The following CLN6 variants were observed in gnomAD, a reference collection of about 807,000 sequenced individuals.
The protein encoded by CLN6 is ceroid-lipofuscinosis neuronal protein 6.
A neutral mutation model predicts 33.3 loss-of-function variants in CLN6; 22 were observed. That is an observed-to-expected ratio of 0.66 (90% confidence interval 0.47 to 0.94). The LOEUF (loss-of-function observed/expected upper bound fraction) is 0.94. CLN6 is among the 40% of genes least tolerant of loss of function. The probability of loss-of-function intolerance (pLI) is 0.00; values close to 1 mark genes in which losing one functional copy is unlikely to be tolerated. For missense variants in CLN6, 387 were observed against 417.1 expected (o/e 0.93, Z 0.63); for synonymous variants, 201 against 174.6 (o/e 1.15, Z -1.19).
intron 1 of CLN6, among the ~76,000 whole-genome samples, chr15:68,245,534 C>T (rs1892322145): frequency 1.3e-5 from 2 of 151,900 alleles, no homozygotes; most frequent in African/African-American, 4.8e-5. Context: ...CCACTGTACT[C>T]CAGCCTGGGT....
intron 1 of CLN6, among the ~76,000 whole-genome samples, chr15:68,239,324 AT>A (rs1463045663): frequency 2.0e-5 from 3 of 152,078 alleles, no homozygotes; most frequent in Non-Finnish European, 4.4e-5. Context: ...TAAAAAAAAA[AT>A]AGACATACCT....
intron 1 of CLN6, among the ~76,000 whole-genome samples, chr15:68,255,372 T>C (rs1038037667): frequency 4.0e-5 from 6 of 148,954 alleles, no homozygotes; most frequent in Non-Finnish European, 8.8e-5. Context: ...GCCACTGAGA[T>C]GGAACCCCTC....
Position 68,209,619 on chromosome 15 carries a change from A to G in CLN6, c.665+18T>C. 1.9e-6 allele frequency: 3 copies of G among 1,611,570 alleles called. No homozygotes were observed. The highest frequency in any genetic ancestry group is 2.5e-6 in the Non-Finnish European group (3 of 1,179,700). On this transcript the variant is annotated intron_variant, in intron 6 of 6. Transcript: ENST00000249806. This position sits in a 1 kb window ranked among gnomAD's most constrained non-coding sequence, Gnocchi z 4.9. Reference sequence around the variant, plus strand: ...TCTCAGTGCCCCTGCCTCTGCCCCCATGCTGATGTCCACTCACCAGTAGTA... The same window carrying G: ...TCTCAGTGCCCCTGCCTCTGCCCCCGTGCTGATGTCCACTCACCAGTAGTA...
intron 1 of CLN6, among the ~76,000 whole-genome samples, chr15:68,237,694 T>C (rs2141160789): frequency 6.6e-6 from 1 of 152,114 alleles, no homozygotes; most frequent in African/African-American, 2.4e-5. Context: ...CTAAAAAATA[T>C]CCAATCAGAA....
At chr15:68,238,187 C>T (rs371102845) in intron 1 of CLN6, among the ~76,000 whole-genome samples, 2 of 151,384 alleles carry the variant, frequency 1.3e-5, no homozygotes, top group East Asian at 2.0e-4. Context: ...AAGCAGATCA[C>T]GAGGTCAGGA....
chr15:68,240,277 A>G (rs2141161902), intron 1 of CLN6, among the ~76,000 whole-genome samples: 1 of 152,292 alleles, frequency 6.6e-6, no homozygotes, highest in East Asian at 1.9e-4. Flanking sequence ...TGAAGCAGAA[A>G]ACAAACATGC....
At chr15:68,250,624 CA>C (rs57895966) in intron 1 of CLN6, among the ~76,000 whole-genome samples, 6,898 of 61,668 alleles carry the variant, frequency 0.11, 257 homozygotes, top group African/African-American at 0.27. Context: ...GACTCTGTCT[CA>C]AAAAAAAAAA....
chr15:68,229,689 G>C lies in CLN6; in HGVS notation c.-105C>G. On this transcript the variant is annotated 5_prime_UTR_variant, in exon 1 of 7. Coordinates refer to ENST00000249806, the MANE Select transcript of CLN6 (RefSeq NM_017882.3). ...CAAATTCCCAGCGCGGGGCGGTTCG[G>C]GGCGGGCCGGCGAGAGCGCGCGGCC... 2 of 943,810 alleles carry C rather than the reference G, an allele frequency of 2.1e-6. No individual in the cohort carries two copies. Among genetic ancestry groups the C allele is most frequent in the East Asian group, 3.6e-5 (1 of 27,594 alleles). The allele number at this position is 943,810 out of a possible 1,614,324, so 58.5% of individuals were successfully genotyped here. A position where few individuals can be genotyped will look rare whatever the true frequency, so the allele number is the denominator to read the frequency against.
chr15:68,211,382 GC>G lies in CLN6; in HGVS notation c.487-65del. 1 of 1,588,126 alleles carries G rather than the reference GC, an allele frequency of 6.3e-7. No homozygotes were observed. The highest frequency in any genetic ancestry group is 8.6e-7 in the Non-Finnish European group (1 of 1,157,078). The stretch of plus-strand genomic sequence containing the variant: ...GATGTCAGTCCAGGGAGGTGCTGGG[GC>G]CCCAAGCATCCCCTCTGACCACCCT... On this transcript the variant is annotated intron_variant, in intron 4 of 6. Transcript: ENST00000249806. This position sits in a 1 kb window ranked among gnomAD's most constrained non-coding sequence, Gnocchi z 5.9.
chr15:68,224,079 A>C (rs975587142), intron 1 of CLN6, among the ~76,000 whole-genome samples: 6 of 151,212 alleles, frequency 4.0e-5, no homozygotes, highest in Non-Finnish European at 7.4e-5. Context: ...ACAACAACAA[A>C]AAACAACTCT....
In CLN6 at chr15:68,246,515, A is replaced by C. The variant is rs1892330649; in HGVS notation, c.179+10175T>G. Among the ~76,000 whole-genome samples the C allele has an allele frequency of 6.6e-6, 1 of 152,108 alleles. No individual in the cohort carries two copies. The highest frequency in any genetic ancestry group is 2.1e-4 in the South Asian group (1 of 4,836). ...AAAAGAAAATTTAAAAAATTTTTCA[A>C]ACGAATCAAAATGGAAATAAACATA... On this transcript the variant is annotated intron_variant, in intron 1 of 6. Transcript: ENST00000538696. The surrounding 1 kb of genome is among the most constrained non-coding windows in gnomAD (Gnocchi z 4.5).
rs1489485339 is a variant in CLN6, at chr15:68,242,354, T to C, written c.179+14336A>G. 2.6e-5 allele frequency among the ~76,000 whole-genome samples: 4 copies of C among 151,920 alleles called. No homozygotes were observed. Among genetic ancestry groups the C allele is most frequent in the Admixed American group, 2.0e-4 (3 of 15,246 alleles). On this transcript the variant is annotated intron_variant, in intron 1 of 6. Transcript: ENST00000538696. The surrounding 1 kb of genome is among the most constrained non-coding windows in gnomAD (Gnocchi z 5.0). ...AGGAAAGAATCCATAATCTCAAAGA[T>C]AGGCTATTTGAAATTACATAGAGGA... is the stretch of plus-strand genomic sequence containing the variant.
chr15:68,223,337 G>A (rs754131255), intron 1 of CLN6, among the ~76,000 whole-genome samples: 4 of 152,082 alleles, frequency 2.6e-5, no homozygotes, highest in African/African-American at 7.2e-5. Flanking sequence ...AGGGACGGGC[G>A]GCTCGATCTT....
At chr15:68,226,372 C>A (rs1269808084) in intron 1 of CLN6, among the ~76,000 whole-genome samples, 1 of 151,874 alleles carries the variant, frequency 6.6e-6, no homozygotes, top group Non-Finnish European at 1.5e-5. Context: ...GGTTCATATC[C>A]CAGCTCTGCC....
chr15:68,227,107 G>T lies in CLN6; in HGVS notation c.83+2395C>A, dbSNP rs374329163. ...GGCTGGAGTGCAGTGGCGCCATCTC[G>T]GCTCACTACAACCTCCGCCTCCCAG... On this transcript the variant is annotated intron_variant, in intron 1 of 6. Transcript: ENST00000249806. The surrounding 1 kb of genome is among the most constrained non-coding windows in gnomAD (Gnocchi z 4.1). Among the ~76,000 whole-genome samples the T allele has an allele frequency of 6.7e-6, 1 of 150,170 alleles. No homozygotes were observed. Among genetic ancestry groups the T allele is most frequent in the African/African-American group, 2.5e-5 (1 of 40,704 alleles).
Position 68,228,939 on chromosome 15 carries a change from C to T in CLN6, c.83+563G>A, listed in dbSNP as rs2141155448. On this transcript the variant is annotated intron_variant, in intron 1 of 6. Transcript: ENST00000249806. The surrounding 1 kb of genome is among the most constrained non-coding windows in gnomAD (Gnocchi z 4.4). Reference sequence around the variant, plus strand: ...ATAAACCAAAAACTGAGAAGGGCTCCTCATTCATTCTCTGGACGGCAGCTT... The same window carrying T: ...ATAAACCAAAAACTGAGAAGGGCTCTTCATTCATTCTCTGGACGGCAGCTT... 6.6e-6 allele frequency among the ~76,000 whole-genome samples: 1 copy of T among 152,298 alleles called. No individual in the cohort carries two copies. The highest frequency in any genetic ancestry group is 2.4e-5 in the African/African-American group (1 of 41,568).
At position 68,219,048 on chromosome 15, in the gene CLN6, T is replaced by C. The variant is rs1595821638; in HGVS notation, c.84-398A>G. On this transcript the variant is annotated intron_variant, in intron 1 of 6. Coordinates refer to ENST00000249806, the MANE Select transcript of CLN6 (RefSeq NM_017882.3). This position sits in a 1 kb window ranked among gnomAD's most constrained non-coding sequence, Gnocchi z 4.2. ...ATCCCAGGCACTACTGTTAGCTGTT[T>C]ACATGTATTATCTCATTTAATCCTC... is the stretch of plus-strand genomic sequence containing the variant. Among the ~76,000 whole-genome samples, 1 of 152,200 alleles carries C rather than the reference T, an allele frequency of 6.6e-6. No homozygotes were observed. Among genetic ancestry groups the C allele is most frequent in the African/African-American group, 2.4e-5 (1 of 41,440 alleles).
At chr15:68,214,730 C>T (rs531441752) in intron 2 of CLN6, 6 of 344,514 alleles carry the variant, frequency 1.7e-5, no homozygotes, top group Middle Eastern at 1.0e-3. Context: ...TCAGGGACTC[C>T]GTTGTGGCAC....
chr15:68,244,142 A>C (rs1027876821), intron 1 of CLN6, among the ~76,000 whole-genome samples: 3 of 152,056 alleles, frequency 2.0e-5, no homozygotes, highest in African/African-American at 7.2e-5. Flanking sequence ...CAAAATAATA[A>C]TAATAATAAT....
Sources: allele counts gnomAD v4.1 joint callset (sites outside exome capture counted in the v4.1 genomes callset), GRCh38; gene constraint gnomAD v4.1.1; non-coding constraint Gnocchi (gnomAD v3.1); transcripts MANE v1.5; gene names NCBI Gene and HGNC (gene_info 2026-07-23, HGNC 2026-07-21).